Variants in TFCP2L1 observed in about 807,000 individuals in gnomAD.
TFCP2L1 encodes transcription factor CP2-like protein 1.
A neutral mutation model predicts 72.2 loss-of-function variants in TFCP2L1; 12 were observed. The ratio of observed to expected loss-of-function variants is 0.17; its 90% CI spans 0.11 to 0.27. TFCP2L1 has a LOEUF of 0.27. Ranked by LOEUF, TFCP2L1 falls within the 10% of genes least tolerant of loss-of-function variation. The pLI is 1.00. For synonymous variants in TFCP2L1, 260 were observed against 251.0 expected (o/e 1.04, Z -0.34); for missense variants, 488 against 624.6 (o/e 0.78, Z 2.33).
chr2:121,263,837 G>A (rs957974604), intron 2 of TFCP2L1, among the ~76,000 whole-genome samples: 3 of 152,246 alleles, frequency 2.0e-5, no homozygotes, highest in African/African-American at 7.2e-5. Context: ...TGCCTCTGAG[G>A]AGGGGCACTG....
intron 2 of TFCP2L1, among the ~76,000 whole-genome samples, chr2:121,251,668 G>C (rs75675971): frequency 3.9e-5 from 6 of 152,196 alleles, no homozygotes; most frequent in African/African-American, 1.2e-4. Flanking sequence ...TTGCTGACAG[G>C]CTATTTCAAG....
rs575080423 is a variant in TFCP2L1 at position 121,232,326 on chromosome 2, A to G, written c.1199-358T>C. On this transcript the variant is annotated intron_variant, in intron 12 of 14. Coordinates refer to ENST00000263707, the MANE Select transcript of TFCP2L1 (RefSeq NM_014553.3). ...GCTAATTTTTGTATTTTTAGTAGAAATGGGGTTTCACCATGTTGGCCAGGC... is the reference window on the plus strand; with the variant it reads ...GCTAATTTTTGTATTTTTAGTAGAAGTGGGGTTTCACCATGTTGGCCAGGC... Among the ~76,000 whole-genome samples, 25 of 152,068 alleles carry G rather than the reference A, an allele frequency of 1.6e-4. No individual in the cohort carries two copies. The South Asian group carries it at 3.5e-3, about 22-fold the overall frequency.
At chr2:121,242,313 G>A (rs748881234) in intron 7 of TFCP2L1, 46 bp downstream of exon 7, 3 of 1,542,196 alleles carry the variant, frequency 1.9e-6, no homozygotes, top group East Asian at 2.2e-5. Flanking sequence ...CCCTGCTCCT[G>A]GTGGAAGACC....
chr2:121,225,999 C>T lies in TFCP2L1; in HGVS notation c.1342-386G>A, dbSNP rs545046990. 1.9e-4 allele frequency among the ~76,000 whole-genome samples: 26 copies of T among 136,518 alleles called. 1 individual carries two copies. The highest frequency in any genetic ancestry group is 6.4e-4 in the Admixed American group (9 of 13,984). 89.6% of individuals were successfully genotyped at this position (136,518 alleles called of 152,430 possible). On this transcript the variant is annotated intron_variant, in intron 13 of 14. Transcript: ENST00000263707. ...CACGGTGCCCACACACACGGGAACA[C>T]GGTAAACACCACTGCCACGGTGTCC...
At chr2:121,249,795 T>C (rs1428128361) in intron 2 of TFCP2L1, 148 bp from the exon 3 acceptor site, 1 of 737,962 alleles carries the variant, frequency 1.4e-6, no homozygotes, top group Non-Finnish European at 2.3e-6. Flanking sequence ...CACGACCAGC[T>C]CAGCTCACTC....
rs1686198901 is a variant in TFCP2L1, at chr2:121,234,174, G to C, written c.1115C>G (p.Thr372Ser). The C allele has an allele frequency of 1.9e-6, 3 of 1,614,092 alleles. No homozygotes were observed. The highest frequency in any genetic ancestry group is 2.5e-6 in the Non-Finnish European group (3 of 1,180,044). Residue 372 changes from threonine (T) to serine (S), a missense_variant, in exon 12 of 15, where the codon ACC becomes AGC. Thr to Ser is a moderately conservative substitution (Grantham distance 58). Coordinates refer to ENST00000263707, the MANE Select transcript of TFCP2L1 (RefSeq NM_014553.3). Reference protein sequence around the residue: ...IKGRNVRPKMTIYVCQELEQN... With the variant: ...IKGRNVRPKMSIYVCQELEQN... Reference sequence around the variant, plus strand: ...CTCCAGCTCCTGACAGACATAAATGGTCATCTTTGGCCTCACATTCCTGGC... The same window carrying C: ...CTCCAGCTCCTGACAGACATAAATGCTCATCTTTGGCCTCACATTCCTGGC...
intron 2 of TFCP2L1, among the ~76,000 whole-genome samples, chr2:121,256,800 C>T (rs554032231): frequency 6.6e-6 from 1 of 151,006 alleles, no homozygotes; most frequent in African/African-American, 2.4e-5. Context: ...AACAAAAATA[C>T]AAAAAATTAC....
chr2:121,257,301 T>C lies in TFCP2L1; in HGVS notation c.215-7654A>G, dbSNP rs551900336. ...CTCCCCTACAGCTATAGCCCGAGGGTATCCAGGCAGTACTGTCCCTCCCGG... is the reference window on the plus strand; with the variant it reads ...CTCCCCTACAGCTATAGCCCGAGGGCATCCAGGCAGTACTGTCCCTCCCGG... On this transcript the variant is annotated intron_variant, in intron 2 of 14. Coordinates refer to ENST00000263707, the MANE Select transcript of TFCP2L1 (RefSeq NM_014553.3). 4.0e-5 allele frequency among the ~76,000 whole-genome samples: 6 copies of C among 148,362 alleles called. No individual in the cohort carries two copies. In the South Asian group the frequency reaches 8.6e-4, roughly 21 times the overall value.
At chr2:121,262,187 C>G (rs1242160934) in intron 2 of TFCP2L1, among the ~76,000 whole-genome samples, 1 of 152,166 alleles carries the variant, frequency 6.6e-6, no homozygotes, top group East Asian at 1.9e-4. Flanking sequence ...TAATAATAGG[C>G]CAGCCACAGT....
chr2:121,236,347 T>C (rs1327219776), intron 10 of TFCP2L1, among the ~76,000 whole-genome samples: 2 of 152,154 alleles, frequency 1.3e-5, no homozygotes, highest in African/African-American at 4.8e-5. Context: ...CATCTATGTA[T>C]GGTCCCACCA....
At chr2:121,225,476 C>T in intron 14 of TFCP2L1, 86 bp downstream of exon 14, 1 of 1,286,286 alleles carries the variant, frequency 7.8e-7, no homozygotes, top group Non-Finnish European at 1.1e-6. Context: ...CCCAGGTCAG[C>T]ACTCTCTGGA....
At chr2:121,229,327 A>C in intron 13 of TFCP2L1, among the ~76,000 whole-genome samples, 1 of 152,206 alleles carries the variant, frequency 6.6e-6, no homozygotes, top group Non-Finnish European at 1.5e-5. Context: ...ATTCCAGGAG[A>C]AAAGAAGGGG....
intron 6 of TFCP2L1, among the ~76,000 whole-genome samples, chr2:121,243,414 G>A (rs906389997): frequency 2.0e-5 from 3 of 152,166 alleles, no homozygotes; most frequent in African/African-American, 7.2e-5. Context: ...TACAGCAGTG[G>A]TCCTCAACCT....
intron 13 of TFCP2L1, 49 bp from the exon 14 acceptor site, chr2:121,225,662 T>C (rs1385305313): frequency 6.2e-7 from 1 of 1,607,294 alleles, no homozygotes; most frequent in South Asian, 1.1e-5. Flanking sequence ...AGTTCATCAT[T>C]TGGAAAGCCT....
At chr2:121,239,445 A>T in intron 8 of TFCP2L1, 113 bp downstream of exon 8, 1 of 1,157,264 alleles carries the variant, frequency 8.6e-7, no homozygotes, top group Non-Finnish European at 1.3e-6. Flanking sequence ...AACACGAGTT[A>T]GCTACCCTGA....
chr2:121,263,879 T>C (rs1216809557), intron 2 of TFCP2L1, among the ~76,000 whole-genome samples: 1 of 152,246 alleles, frequency 6.6e-6, no homozygotes, highest in Non-Finnish European at 1.5e-5. Flanking sequence ...TGACTTACCA[T>C]AATCCCTTTT....
chr2:121,266,483 C>A (rs1396577284), intron 2 of TFCP2L1, among the ~76,000 whole-genome samples: 3 of 152,156 alleles, frequency 2.0e-5, no homozygotes, highest in Non-Finnish European at 2.9e-5. Flanking sequence ...TCTCCTCCAG[C>A]CCCACTGATG....
intron 5 of TFCP2L1, among the ~76,000 whole-genome samples, chr2:121,247,387 C>T (rs1037318170): frequency 1.3e-5 from 2 of 152,144 alleles, no homozygotes; most frequent in East Asian, 3.9e-4. Context: ...TAAAGGACAA[C>T]CAGAAGGCTG....
At chr2:121,284,291 A>T (rs984096967) in intron 1 of TFCP2L1, among the ~76,000 whole-genome samples, 1 of 152,234 alleles carries the variant, frequency 6.6e-6, no homozygotes, top group Non-Finnish European at 1.5e-5. Context: ...GAGTTCACAA[A>T]GTGAAATGAC....
Sources: allele counts gnomAD v4.1 joint callset (sites outside exome capture counted in the v4.1 genomes callset), GRCh38; gene constraint gnomAD v4.1.1; transcripts MANE v1.5; gene names NCBI Gene and HGNC (gene_info 2026-07-23, HGNC 2026-07-21).